CDKAL1: variants seen among roughly 807,000 people sequenced by gnomAD.
CDKAL1 encodes CDKAL1 threonylcarbamoyladenosine tRNA methylthiotransferase.
A neutral mutation model predicts 68.2 loss-of-function variants in CDKAL1; 32 were observed. The ratio of observed to expected loss-of-function variants is 0.47; its 90% CI spans 0.35 to 0.63. The LOEUF (loss-of-function observed/expected upper bound fraction) is 0.63, where lower values mean the gene tolerates loss of function less well. Ranked by LOEUF, CDKAL1 falls within the 30% of genes least tolerant of loss-of-function variation. CDKAL1 has a pLI of 0.00. For synonymous variants in CDKAL1, 234 were observed against 244.3 expected (o/e 0.96, Z 0.39); for missense variants, 606 against 696.7 (o/e 0.87, Z 1.47).
intron 5 of CDKAL1, among the ~76,000 whole-genome samples, chr6:20,673,823 AG>A (rs1769963424): frequency 6.6e-6 from 1 of 152,200 alleles, no homozygotes; most frequent in African/African-American, 2.4e-5. Flanking sequence ...AGGTCTCCCC[AG>A]CCACATGGAA....
chr6:20,728,018 G>A (rs973353943), intron 5 of CDKAL1, among the ~76,000 whole-genome samples: 2 of 152,178 alleles, frequency 1.3e-5, no homozygotes, highest in Non-Finnish European at 2.9e-5. Context: ...GCATGTATTT[G>A]GGGTACATGA....
At chr6:20,734,008 G>A (rs945877555) in intron 5 of CDKAL1, among the ~76,000 whole-genome samples, 1 of 151,972 alleles carries the variant, frequency 6.6e-6, no homozygotes, top group African/African-American at 2.4e-5. Flanking sequence ...AATTTGCCAG[G>A]TGTGGTGGTG....
intron 5 of CDKAL1, among the ~76,000 whole-genome samples, chr6:20,707,474 A>G (rs898757953): frequency 2.0e-5 from 3 of 152,226 alleles, no homozygotes; most frequent in African/African-American, 7.2e-5. Flanking sequence ...TCTACAACAT[A>G]AAAAAGAAAT....
chr6:20,722,550 T>A, intron 5 of CDKAL1: 1 of 318,444 alleles, frequency 3.1e-6, no homozygotes, highest in South Asian at 3.4e-5. Flanking sequence ...CTGCTTACCC[T>A]GGGCACACAT....
Position 20,826,000 on chromosome 6 carries a change from C to T in CDKAL1, c.639-20075C>T, listed in dbSNP as rs1581653526. 2.0e-5 allele frequency among the ~76,000 whole-genome samples: 3 copies of T among 152,184 alleles called. No individual in the cohort carries two copies. The South Asian group carries it at 6.2e-4, about 32-fold the overall frequency. ...ACTTTTTCTTTACTCACAAATATGA[C>T]CTGAATTTGGTCCCATCAGGGTTTC... On this transcript the variant is annotated intron_variant, in intron 8 of 15. Transcript: ENST00000274695.
intron 11 of CDKAL1, among the ~76,000 whole-genome samples, chr6:21,007,509 A>G (rs9348454): frequency 0.21 from 24,554 of 116,484 alleles, 2,622 homozygotes; most frequent in Admixed American, 0.29. Context: ...AAAAAAAAAA[A>G]GCCCACAATG....
At chr6:20,752,287 C>T (rs1773959633) in intron 6 of CDKAL1, among the ~76,000 whole-genome samples, 1 of 151,496 alleles carries the variant, frequency 6.6e-6, no homozygotes, top group African/African-American at 2.4e-5. Flanking sequence ...TTTTAAGGTC[C>T]TGGGGTTCCC....
chr6:21,128,969 G>T (rs1303578744), intron 13 of CDKAL1, among the ~76,000 whole-genome samples: 5 of 152,138 alleles, frequency 3.3e-5, no homozygotes, highest in Non-Finnish European at 7.4e-5. Context: ...GTTTGAATCT[G>T]CCTTTCACTC....
intron 15 of CDKAL1, among the ~76,000 whole-genome samples, chr6:21,202,498 G>A (rs530040505): frequency 1.4e-4 from 22 of 152,152 alleles, no homozygotes; most frequent in Non-Finnish European, 2.4e-4. Flanking sequence ...CTTTTGATAT[G>A]TTAGCCAATA....
intron 7 of CDKAL1, among the ~76,000 whole-genome samples, chr6:20,776,395 G>A (rs1302390736): frequency 6.6e-6 from 1 of 152,156 alleles, no homozygotes; most frequent in Non-Finnish European, 1.5e-5. Context: ...TTCCATATCA[G>A]AGCATACATT....
chr6:21,072,125 T>A (rs1194785197), intron 12 of CDKAL1, among the ~76,000 whole-genome samples: 1 of 152,236 alleles, frequency 6.6e-6, no homozygotes, highest in Admixed American at 6.5e-5. Context: ...ACTTTTTCTT[T>A]ATGGCAGATC....
At chr6:20,691,130 C>T (rs989354247) in intron 5 of CDKAL1, among the ~76,000 whole-genome samples, 6 of 152,166 alleles carry the variant, frequency 3.9e-5, no homozygotes, top group Admixed American at 1.3e-4. Flanking sequence ...ACAAACACCC[C>T]GCAGGAGATT....
intron 7 of CDKAL1, among the ~76,000 whole-genome samples, chr6:20,767,392 T>C (rs1432936707): frequency 9.2e-5 from 14 of 152,066 alleles, no homozygotes; most frequent in Admixed American, 9.2e-4. Flanking sequence ...AAATATAAAA[T>C]AGAAACCAGG....
chr6:21,011,037 G>T (rs1342415409), intron 11 of CDKAL1, among the ~76,000 whole-genome samples: 34 of 126,964 alleles, frequency 2.7e-4, no homozygotes, highest in Non-Finnish European at 4.7e-4. Context: ...AGCCGAGATC[G>T]CACCACTGCA....
At chr6:20,699,021 AT>A (rs1380043189) in intron 5 of CDKAL1, among the ~76,000 whole-genome samples, 1 of 152,062 alleles carries the variant, frequency 6.6e-6, no homozygotes, top group African/African-American at 2.4e-5. Context: ...TTGTATAACC[AT>A]TTTTTTAAAG....
chr6:20,962,773 A>G (rs555674589), intron 10 of CDKAL1, among the ~76,000 whole-genome samples: 66 of 152,344 alleles, frequency 4.3e-4, no homozygotes, highest in Non-Finnish European at 6.6e-4. Flanking sequence ...ATAAAAAGAC[A>G]TGCTAGATTA....
At chr6:20,748,554 G>GAAAAAAAAAAAAAAAAAAAAAAAAAA (rs1773762406) in intron 6 of CDKAL1, among the ~76,000 whole-genome samples, 1 of 77,106 alleles carries the variant, frequency 1.3e-5, no homozygotes, top group African/African-American at 4.8e-5. Flanking sequence ...CTCTGTTTCT[G>GAAAAAAAAAAAAAAAAAAAAAAAAAA]GAAAAAAAAA....
intron 10 of CDKAL1, among the ~76,000 whole-genome samples, chr6:20,960,499 C>T (rs368636947): frequency 4.6e-5 from 7 of 152,350 alleles, no homozygotes; most frequent in African/African-American, 1.7e-4. Context: ...TCTCTTTGGG[C>T]ACTCATAATG....
At chr6:21,057,078 A>G (rs189138606) in intron 11 of CDKAL1, among the ~76,000 whole-genome samples, 1 of 152,224 alleles carries the variant, frequency 6.6e-6, no homozygotes, top group East Asian at 1.9e-4. Context: ...AGTTGTTTGG[A>G]ATAGTTTCAG....
Sources: gnomAD v4.1 joint callset for allele counts (sites outside exome capture counted in the v4.1 genomes callset) on GRCh38, gnomAD v4.1.1 for gene constraint, MANE v1.5 for transcripts, NCBI Gene and HGNC (gene_info 2026-07-23, HGNC 2026-07-21) for gene names.